RALY: variants seen among roughly 807,000 people sequenced by gnomAD.
RALY encodes the protein RNA-binding protein Raly.
Under a neutral mutation model 30.7 loss-of-function variants are expected in RALY, and 15 were observed. The observed-to-expected ratio is 0.49, with a 90% CI of 0.33 to 0.75. The LOEUF is 0.75. RALY is among the 30% of genes least tolerant of loss of function. The pLI is 0.02. For missense variants in RALY, 339 were observed against 414.3 expected (o/e 0.82, Z 1.58); for synonymous variants, 177 against 170.8 (o/e 1.04, Z -0.28).
intron 1 of RALY, among the ~76,000 whole-genome samples, chr20:34,023,105 G>C (rs1217342477): frequency 2.0e-5 from 3 of 152,104 alleles, no homozygotes; most frequent in African/African-American, 7.2e-5. Context: ...ACAAACTTTT[G>C]GCCCTGGGAA....
chr20:34,023,201 GAGGT>G (rs1299724183), intron 1 of RALY, among the ~76,000 whole-genome samples: 1 of 152,216 alleles, frequency 6.6e-6, no homozygotes, highest in East Asian at 1.9e-4. Flanking sequence ...TCACTATTCT[GAGGT>G]AGGTGATTTA....
At chr20:34,048,116 A>G (rs118088776) in intron 2 of RALY, among the ~76,000 whole-genome samples, 2,982 of 152,300 alleles carry the variant, frequency 0.02, 57 homozygotes, top group South Asian at 0.079. Context: ...TCTGTTCCCA[A>G]TAAATTGGTC....
intron 1 of RALY, among the ~76,000 whole-genome samples, chr20:34,008,825 T>G (rs1280762593): frequency 1.3e-5 from 2 of 152,124 alleles, no homozygotes; most frequent in Non-Finnish European, 2.9e-5. Context: ...CACCCAAGTG[T>G]TTTTTAAATT....
chr20:34,050,042 C>T (rs2033024382), intron 2 of RALY, among the ~76,000 whole-genome samples: 1 of 152,186 alleles, frequency 6.6e-6, no homozygotes, highest in Non-Finnish European at 1.5e-5. Context: ...CATGTGCGCC[C>T]GTGCTCCCAT....
intron 2 of RALY, among the ~76,000 whole-genome samples, chr20:34,065,789 G>A (rs545384442): frequency 7.2e-5 from 11 of 152,308 alleles, no homozygotes; most frequent in Middle Eastern, 6.8e-3. Flanking sequence ...GCTGGCCACA[G>A]GCTGCTGTGA....
intron 1 of RALY, among the ~76,000 whole-genome samples, chr20:34,000,653 A>C (rs1404712064): frequency 1.3e-5 from 2 of 152,112 alleles, no homozygotes; most frequent in African/African-American, 4.8e-5. Context: ...TAAGACATCC[A>C]CTGCCCCCTG....
chr20:34,024,484 A>G (rs1242963196), intron 1 of RALY, among the ~76,000 whole-genome samples: 3 of 152,256 alleles, frequency 2.0e-5, no homozygotes, highest in African/African-American at 7.2e-5. Context: ...GGCAAGAATG[A>G]TTGTCTTGCA....
At chr20:34,068,421 T>G (rs989140911) in intron 2 of RALY, among the ~76,000 whole-genome samples, 5 of 152,200 alleles carry the variant, frequency 3.3e-5, no homozygotes, top group Admixed American at 6.5e-5. Flanking sequence ...AAATGGTATC[T>G]GGGACCTCTG....
chr20:34,072,640 C>A (rs1373182192), intron 3 of RALY, among the ~76,000 whole-genome samples: 1 of 152,170 alleles, frequency 6.6e-6, no homozygotes, highest in Non-Finnish European at 1.5e-5. Context: ...CAGCCTGTTA[C>A]ACCGGGTACA....
At chr20:34,005,854 AGCCTTTTCAGATTT>A (rs2031135148) in intron 1 of RALY, among the ~76,000 whole-genome samples, 2 of 152,222 alleles carry the variant, frequency 1.3e-5, no homozygotes, top group South Asian at 2.1e-4. Context: ...TACAGTATGT[AGCCTTTTCAGATTT>A]GCCTCTTTCA....
At chr20:34,011,855 C>G (rs1219641803) in intron 1 of RALY, among the ~76,000 whole-genome samples, 1 of 152,100 alleles carries the variant, frequency 6.6e-6, no homozygotes, top group Non-Finnish European at 1.5e-5. Context: ...CGCTTGAGGT[C>G]AGGAGTTCAA....
At chr20:34,040,866 T>G (rs2032673192) in intron 2 of RALY, among the ~76,000 whole-genome samples, 2 of 152,190 alleles carry the variant, frequency 1.3e-5, no homozygotes, top group Admixed American at 6.5e-5. Context: ...GGTAAGCTGT[T>G]TCCTGAGTAT....
chr20:34,065,490 G>A (rs1489360959), intron 2 of RALY, among the ~76,000 whole-genome samples: 1 of 152,222 alleles, frequency 6.6e-6, no homozygotes, highest in African/African-American at 2.4e-5. Flanking sequence ...ACTCATGAGA[G>A]TGGGAATGGT....
intron 1 of RALY, among the ~76,000 whole-genome samples, chr20:34,022,635 T>TA (rs973198701): frequency 6.6e-6 from 1 of 152,212 alleles, no homozygotes; most frequent in African/African-American, 2.4e-5. Flanking sequence ...CTGAGCCTCC[T>TA]ATGCCTCACT....
chr20:34,060,449 C>T (rs1039912687), intron 2 of RALY, among the ~76,000 whole-genome samples: 8 of 152,208 alleles, frequency 5.3e-5, no homozygotes, highest in African/African-American at 1.4e-4. Context: ...ATAAGGAATA[C>T]TTAACCTGTA....
At chr20:34,053,326 G>T (rs2033136914) in intron 2 of RALY, among the ~76,000 whole-genome samples, 1 of 145,180 alleles carries the variant, frequency 6.9e-6, no homozygotes, top group Non-Finnish European at 1.5e-5. Context: ...GCAAATTAGT[G>T]ATAGACCCTT....
intron 1 of RALY, among the ~76,000 whole-genome samples, chr20:34,029,478 AAGGGAGGGAGGG>A (rs3831778): frequency 3.9e-4 from 22 of 56,180 alleles, no homozygotes; most frequent in Admixed American, 1.3e-3. Context: ...GGAGGGAGGA[AAGGGAGGGAGGG>A]AGGGAGGGAG....
At chr20:34,054,975 G>C (rs1377685572) in intron 2 of RALY, among the ~76,000 whole-genome samples, 1 of 152,168 alleles carries the variant, frequency 6.6e-6, no homozygotes, top group Non-Finnish European at 1.5e-5. Context: ...AAATTCCTGA[G>C]CACTTAACTT....
At chr20:34,007,365 C>T (rs1345390461) in intron 1 of RALY, among the ~76,000 whole-genome samples, 6 of 151,890 alleles carry the variant, frequency 4.0e-5, no homozygotes, top group Non-Finnish European at 7.4e-5. Flanking sequence ...ACTAAAAATA[C>T]AAAAAATTAG....
Sources: gnomAD v4.1 joint callset for allele counts (sites outside exome capture counted in the v4.1 genomes callset) on GRCh38, gnomAD v4.1.1 for gene constraint, MANE v1.5 for transcripts, NCBI Gene and HGNC (gene_info 2026-07-23, HGNC 2026-07-21) for gene names.